The following TBC1D9B variants were observed in gnomAD, a reference collection of about 807,000 sequenced individuals.
TBC1D9B encodes the protein TBC1 domain family member 9B, also known as TBC1 domain family, member 9B (with GRAM domain).
TBC1D9B carries 87 observed loss-of-function variants against 121.1 expected under a neutral mutation model. The ratio of observed to expected loss-of-function variants is 0.72; its 90% CI spans 0.60 to 0.86. TBC1D9B has a LOEUF of 0.86. Among genes scored for constraint, TBC1D9B ranks in the 40% least tolerant of loss-of-function variants. The pLI is 0.00. For synonymous variants in TBC1D9B, 668 were observed against 670.1 expected, an observed-to-expected ratio of 1.00 and a Z score of 0.05; for missense variants, 1,540 against 1,628.6, an observed-to-expected ratio of 0.95 and a Z score of 0.94.
At chr5:179,886,862 G>C (rs1203539312) in intron 7 of TBC1D9B, among the ~76,000 whole-genome samples, 3 of 152,246 alleles carry the variant, frequency 2.0e-5, no homozygotes, top group African/African-American at 7.2e-5. Flanking sequence ...AGAAAGCAAG[G>C]AATCAAAGAC....
intron 2 of TBC1D9B, among the ~76,000 whole-genome samples, chr5:179,903,528 C>T (rs569634418): frequency 2.1e-4 from 32 of 152,304 alleles, no homozygotes; most frequent in African/African-American, 5.8e-4. Flanking sequence ...ACCAGTACCC[C>T]GGGGGAACAC....
Position 179,893,297 on chromosome 5 carries a change from G to T in TBC1D9B, c.748C>A (p.Arg250=). 1 of 1,614,000 alleles carries T rather than the reference G, an allele frequency of 6.2e-7. No individual in the cohort carries two copies. The highest frequency in any genetic ancestry group is 8.5e-7 in the Non-Finnish European group (1 of 1,180,032). The change falls in exon 5 of 21, where the codon CGG becomes AGG. Residue 250 remains arginine, a synonymous_variant. Transcript: ENST00000355235. ...LMEQLANLAM[R]QLLDSEGFLE... ...AAGCCCTCGCTGTCCAGCAGCTGCC[G>T]CATGGCCAGGTTGGCCAACTGCTCC... is the stretch of plus-strand genomic sequence containing the variant.
chr5:179,897,408 G>A lies in TBC1D9B; in HGVS notation c.348+1781C>T, dbSNP rs542449411. ...GCTCACTGCAACCTCTGCCTCCTAA[G>A]TCCAAGTGATTCTCCTGCCTCAGTC... On this transcript the variant is annotated intron_variant, in intron 3 of 20. Transcript: ENST00000355235. 1.2e-3 allele frequency among the ~76,000 whole-genome samples: 180 copies of A among 150,908 alleles called. 1 individual carries two copies. The highest frequency in any genetic ancestry group is 4.1e-3 in the African/African-American group (170 of 41,054).
rs1477960093 is a variant in TBC1D9B, at chr5:179,904,086, C to T, written c.229+616G>A. Among the ~76,000 whole-genome samples the T allele has an allele frequency of 3.9e-5, 6 of 152,230 alleles. No individual in the cohort carries two copies. The highest frequency in any genetic ancestry group is 7.4e-5 in the Non-Finnish European group (5 of 68,024). Reference sequence around the variant, plus strand: ...CAAATATGGAATCTTTGAATGAGGCCGACTACGTCTACCTTGAGAAAAGGT... The same window carrying T: ...CAAATATGGAATCTTTGAATGAGGCTGACTACGTCTACCTTGAGAAAAGGT... On this transcript the variant is annotated intron_variant, in intron 2 of 20. Coordinates refer to ENST00000355235, the MANE Select transcript of TBC1D9B (RefSeq NM_015043.4). The surrounding 1 kb of genome is among the most constrained non-coding windows in gnomAD (Gnocchi z 4.2).
intron 10 of TBC1D9B, 24 bp from the exon 11 acceptor site, chr5:179,876,061 GGAAGGCTTGCACT>G (rs750916623): frequency 6.2e-7 from 1 of 1,605,566 alleles, no homozygotes; most frequent in African/African-American, 1.3e-5. Flanking sequence ...AGACAGCCGG[GGAAGGCTTGCACT>G]GCTGGCCAGC....
rs552476103 is a variant in TBC1D9B, at chr5:179,875,386, T to G, written c.1901-199A>C. ...ACAGCTCCCAAACCACTGGGCGAAA[T>G]AACTATTTCTTCTACTACACTTGAA... On this transcript the variant is annotated intron_variant, in intron 11 of 20. Transcript: ENST00000355235. This position sits in a 1 kb window ranked among gnomAD's most constrained non-coding sequence, Gnocchi z 4.5. Among the ~76,000 whole-genome samples the G allele has an allele frequency of 3.3e-4, 50 of 152,138 alleles. No individual in the cohort carries two copies. The highest frequency in any genetic ancestry group is 5.9e-4 in the Non-Finnish European group (40 of 68,022).
In TBC1D9B at chr5:179,893,271, G is replaced by T; in HGVS notation, c.774C>A (p.Phe258Leu). 1 of 1,613,792 alleles carries T rather than the reference G, an allele frequency of 6.2e-7. No homozygotes were observed. The highest frequency in any genetic ancestry group is 1.1e-5 in the South Asian group (1 of 91,082). ...GCCTAGGCAGGGCCTTGTCCTCCAGGAAGCCCTCGCTGTCCAGCAGCTGCC... is the reference window on the plus strand; with the variant it reads ...GCCTAGGCAGGGCCTTGTCCTCCAGTAAGCCCTCGCTGTCCAGCAGCTGCC... ...AMRQLLDSEG[F>L]LEDKALPRPI... The change falls in exon 5 of 21, where the codon TTC (phenylalanine) becomes TTA (leucine). Residue 258 changes from phenylalanine (F) to leucine (L), a missense_variant. Physicochemically the swap from Phe to Leu is conservative, Grantham distance 22. Transcript: ENST00000355235.
intron 8 of TBC1D9B, 40 bp downstream of exon 8, chr5:179,879,588 G>A (rs1473815655): frequency 2.2e-5 from 35 of 1,612,910 alleles, no homozygotes; most frequent in Non-Finnish European, 2.7e-5. Context: ...TGAGGGCTCC[G>A]CTCTTGACGG....
At position 179,893,403 on chromosome 5, in the gene TBC1D9B, G is replaced by A. The variant is rs141291498; in HGVS notation, c.642C>T (p.Pro214=). Residue 214 remains proline, a synonymous_variant, in exon 5 of 21, where the codon CCC becomes CCT. Coordinates refer to ENST00000355235, the MANE Select transcript of TBC1D9B (RefSeq NM_015043.4). ...CGCGGGTGTCCACACGGATGCTCTC[G>A]GGGAAGAGCAGGGTGGCGTTCTTCT... ...RLEKNATLLF[P]ESIRVDTRDQ... 4.8e-5 allele frequency: 78 copies of A among 1,614,060 alleles called. 1 individual carries two copies. In the South Asian group the frequency reaches 6.9e-4, roughly 14 times the overall value.
At chr5:179,873,932 G>T (rs1045813933) in intron 12 of TBC1D9B, among the ~76,000 whole-genome samples, 1 of 152,154 alleles carries the variant, frequency 6.6e-6, no homozygotes, top group African/African-American at 2.4e-5. Context: ...CACAGACTCC[G>T]GCCACAGGCT....
chr5:179,888,646 G>A (rs1224182818), intron 6 of TBC1D9B, among the ~76,000 whole-genome samples: 3 of 152,184 alleles, frequency 2.0e-5, no homozygotes, highest in African/African-American at 7.2e-5. Context: ...CTTGCTTGCA[G>A]GACTGTTCCC....
chr5:179,901,819 ACT>A (rs1761174151), intron 2 of TBC1D9B, among the ~76,000 whole-genome samples: 1 of 152,210 alleles, frequency 6.6e-6, no homozygotes, highest in South Asian at 2.1e-4. Context: ...GTTAAAAGTA[ACT>A]CAATCTTCAT....
intron 18 of TBC1D9B, chr5:179,866,579 C>T (rs1760018358): frequency 6.6e-6 from 1 of 152,392 alleles, no homozygotes; most frequent in African/African-American, 2.4e-5. Context: ...GCTCAGGCAA[C>T]TCACCCTGGA....
chr5:179,887,637 A>G (rs1760726355), intron 7 of TBC1D9B: 1 of 177,138 alleles, frequency 5.6e-6, no homozygotes, highest in Non-Finnish European at 1.2e-5. Flanking sequence ...TGAAAAGTAC[A>G]CTTGCACACG....
Position 179,885,418 on chromosome 5 carries a change from C to T in TBC1D9B, c.1254+2685G>A, listed in dbSNP as rs998953319. Among the ~76,000 whole-genome samples the T allele has an allele frequency of 2.6e-5, 4 of 151,814 alleles. No homozygotes were observed. Among genetic ancestry groups the T allele is most frequent in the South Asian group, 2.1e-4 (1 of 4,808 alleles). On this transcript the variant is annotated intron_variant, in intron 7 of 20. Transcript: ENST00000355235. This position sits in a 1 kb window ranked among gnomAD's most constrained non-coding sequence, Gnocchi z 4.5. ...CAGACTGGCCAACATGGCAAAAACCCGTCTCTACTAAAAATACAAAATAAG... is the reference window on the plus strand; with the variant it reads ...CAGACTGGCCAACATGGCAAAAACCTGTCTCTACTAAAAATACAAAATAAG...
At chr5:179,883,041 T>A (rs1188519543) in intron 7 of TBC1D9B, among the ~76,000 whole-genome samples, 1 of 152,176 alleles carries the variant, frequency 6.6e-6, no homozygotes, top group Admixed American at 6.5e-5. Flanking sequence ...GTATTTTTAG[T>A]AGAGACAGAG....
At chr5:179,894,272 T>G in intron 4 of TBC1D9B, 114 bp downstream of exon 4, 14 of 994,868 alleles carry the variant, frequency 1.4e-5, no homozygotes, top group Non-Finnish European at 2.1e-5. Context: ...TAAGGTGGCA[T>G]TTGGGTTTCA....
chr5:179,899,636 TA>T (rs1206672483), intron 2 of TBC1D9B, among the ~76,000 whole-genome samples: 2 of 152,216 alleles, frequency 1.3e-5, no homozygotes, highest in African/African-American at 2.4e-5. Flanking sequence ...CTTGCTAACT[TA>T]CACTTTTCCT....
chr5:179,886,990 C>T (rs1760705038), intron 7 of TBC1D9B, among the ~76,000 whole-genome samples: 1 of 152,190 alleles, frequency 6.6e-6, no homozygotes, highest in Non-Finnish European at 1.5e-5. Context: ...TAAATCCATA[C>T]GTTCATAATT....
Sources: allele counts gnomAD v4.1 joint callset (sites outside exome capture counted in the v4.1 genomes callset), GRCh38; gene constraint gnomAD v4.1.1; non-coding constraint Gnocchi (gnomAD v3.1); transcripts MANE v1.5; gene names NCBI Gene and HGNC (gene_info 2026-07-23, HGNC 2026-07-21).